SCFD2: variants seen among roughly 807,000 people sequenced by gnomAD.
SCFD2 encodes sec1 family domain-containing protein 2.
SCFD2 carries 54 observed loss-of-function variants against 58.9 expected under a neutral mutation model. The ratio of observed to expected loss-of-function variants is 0.92; its 90% confidence interval spans 0.74 to 1.15. The LOEUF is 1.15. SCFD2 is among the 50% of genes most tolerant of loss of function. The pLI is 0.00. For synonymous variants in SCFD2, 321 were observed against 335.9 expected (o/e 0.96, Z 0.49); for missense variants, 805 against 836.6 (o/e 0.96, Z 0.47).
At chr4:52,951,809 C>T (rs1342893539) in intron 5 of SCFD2, among the ~76,000 whole-genome samples, 2 of 152,174 alleles carry the variant, frequency 1.3e-5, no homozygotes, top group Non-Finnish European at 2.9e-5. Context: ...GAAACACAAA[C>T]CTCACTGAGC....
intron 3 of SCFD2, among the ~76,000 whole-genome samples, chr4:53,279,957 G>A (rs976069683): frequency 2.6e-5 from 4 of 152,088 alleles, no homozygotes; most frequent in Admixed American, 2.6e-4. Context: ...CTCTCCCTGG[G>A]GATTATGGGG....
chr4:53,253,795 C>T (rs536500530), intron 4 of SCFD2, among the ~76,000 whole-genome samples: 99 of 147,558 alleles, frequency 6.7e-4, no homozygotes, highest in African/African-American at 2.2e-3. Context: ...TGCTAAATGA[C>T]GAGTTAATGA....
intron 3 of SCFD2, among the ~76,000 whole-genome samples, chr4:53,277,184 T>C (rs1731353277): frequency 1.3e-5 from 2 of 152,198 alleles, no homozygotes; most frequent in African/African-American, 4.8e-5. Context: ...AAACAACTCC[T>C]TGATGATCTC....
intron 5 of SCFD2, among the ~76,000 whole-genome samples, chr4:53,052,677 T>G (rs535832850): frequency 6.6e-6 from 1 of 152,324 alleles, no homozygotes; most frequent in Non-Finnish European, 1.5e-5. Flanking sequence ...ATGAGCATTT[T>G]GTAAAGATGG....
intron 5 of SCFD2, among the ~76,000 whole-genome samples, chr4:53,062,391 CAATAATAATAAT>C (rs60077342): frequency 6.7e-6 from 1 of 149,786 alleles, no homozygotes; most frequent in South Asian, 2.1e-4. Context: ...CGTACAATAA[CAATAATAATAAT>C]AATAATAATA....
At chr4:52,944,513 G>T (rs930232119) in intron 5 of SCFD2, among the ~76,000 whole-genome samples, 1 of 152,176 alleles carries the variant, frequency 6.6e-6, no homozygotes, top group Non-Finnish European at 1.5e-5. Context: ...TAGGGTCCAT[G>T]CTAGAGAACT....
chr4:53,014,284 G>A (rs1722161280), intron 5 of SCFD2, among the ~76,000 whole-genome samples: 1 of 152,202 alleles, frequency 6.6e-6, no homozygotes, highest in South Asian at 2.1e-4. Context: ...GGAAAAGAAA[G>A]TTTCAGAGTT....
At chr4:52,950,448 G>A (rs1174466787) in intron 5 of SCFD2, 1 of 152,146 alleles carries the variant, frequency 6.6e-6, no homozygotes, top group Non-Finnish European at 1.5e-5. Context: ...AAAGCCCTGG[G>A]GGAGAGAGAG....
chr4:53,154,557 G>A (rs1012992425), intron 4 of SCFD2, among the ~76,000 whole-genome samples: 13 of 152,300 alleles, frequency 8.5e-5, no homozygotes, highest in Non-Finnish European at 1.5e-5. Context: ...TTTGGAGGGG[G>A]CAAATATCCA....
At chr4:53,290,544 A>G (rs1189412292) in intron 3 of SCFD2, among the ~76,000 whole-genome samples, 1 of 152,134 alleles carries the variant, frequency 6.6e-6, no homozygotes, top group African/African-American at 2.4e-5. Context: ...ATAGCCTAAC[A>G]TTATACCTCA....
At chr4:53,033,520 G>A (rs1157062642) in intron 5 of SCFD2, among the ~76,000 whole-genome samples, 1 of 152,040 alleles carries the variant, frequency 6.6e-6, no homozygotes, top group Non-Finnish European at 1.5e-5. Flanking sequence ...AAAAATCAAT[G>A]AATCCAGGAG....
At chr4:53,144,300 T>A (rs1407830453) in intron 5 of SCFD2, among the ~76,000 whole-genome samples, 1 of 150,596 alleles carries the variant, frequency 6.6e-6, no homozygotes. Flanking sequence ...AAAAAAAAAA[T>A]ACACACACAT....
chr4:52,885,793 A>G lies in SCFD2; in HGVS notation c.1916T>C (p.Val639Ala). 6.2e-7 allele frequency: 1 copy of G among 1,614,104 alleles called. No homozygotes were observed. Among genetic ancestry groups the G allele is most frequent in the Non-Finnish European group, 8.5e-7 (1 of 1,179,988 alleles). ...TGCCACAAGATCTTTGACCATTTTCACTTCAGAGACTGTGACCCCACCTAC... is the reference window on the plus strand; with the variant it reads ...TGCCACAAGATCTTTGACCATTTTCGCTTCAGAGACTGTGACCCCACCTAC... ...FVVGGVTVSE[V>A]KMVKDLVASL... The change falls in exon 8 of 9, where the codon GTG becomes GCG. Residue 639 changes from valine to alanine, a missense_variant. By Grantham distance (64) the Val-to-Ala change is moderately conservative (BLOSUM62 0). Transcript: ENST00000401642.
At chr4:52,957,283 T>A (rs888511426) in intron 5 of SCFD2, 1 of 152,150 alleles carries the variant, frequency 6.6e-6, no homozygotes, top group Non-Finnish European at 1.5e-5. Context: ...GTGCTTCTAT[T>A]TAATAAATAA....
intron 4 of SCFD2, among the ~76,000 whole-genome samples, chr4:53,272,450 C>A (rs1451656772): frequency 6.6e-6 from 1 of 152,086 alleles, no homozygotes; most frequent in Non-Finnish European, 1.5e-5. Context: ...TGGAACCAAC[C>A]CAAATGTCCA....
chr4:52,966,280 T>C (rs1444383648), intron 5 of SCFD2, among the ~76,000 whole-genome samples: 1 of 152,230 alleles, frequency 6.6e-6, no homozygotes, highest in Non-Finnish European at 1.5e-5. Flanking sequence ...CAACTGATTA[T>C]ACGTGTGTTT....
At chr4:53,358,994 A>G (rs1366107656) in intron 1 of SCFD2, among the ~76,000 whole-genome samples, 2 of 152,214 alleles carry the variant, frequency 1.3e-5, no homozygotes, top group Admixed American at 6.5e-5. Context: ...ACCAGGAGAG[A>G]AAGGAACTTG....
At chr4:53,138,050 C>A (rs923365140) in intron 5 of SCFD2, among the ~76,000 whole-genome samples, 6 of 152,094 alleles carry the variant, frequency 3.9e-5, no homozygotes, top group African/African-American at 7.2e-5. Flanking sequence ...ATTGTCTATG[C>A]ACATGATGAG....
At chr4:53,030,983 T>C (rs769885605) in intron 5 of SCFD2, among the ~76,000 whole-genome samples, 1 of 152,160 alleles carries the variant, frequency 6.6e-6, no homozygotes, top group South Asian at 2.1e-4. Flanking sequence ...ACATAACAAA[T>C]GCATTATGCA....
Sources: gnomAD v4.1 joint callset for allele counts (sites outside exome capture counted in the v4.1 genomes callset) on GRCh38, gnomAD v4.1.1 for gene constraint, MANE v1.5 for transcripts, NCBI Gene and HGNC (gene_info 2026-07-23, HGNC 2026-07-21) for gene names.